The following CRPPA variants were observed in gnomAD, a reference collection of about 807,000 sequenced individuals.
CRPPA encodes CDP-L-ribitol pyrophosphorylase A.
In CRPPA, 43 loss-of-function variants were observed where a neutral mutation model predicts 52.0. The ratio of observed to expected loss-of-function variants is 0.83; its 90% CI spans 0.65 to 1.07. The LOEUF is 1.07. Among genes scored for constraint, CRPPA ranks in the 50% least tolerant of loss-of-function variants. The probability of loss-of-function intolerance (pLI) is 0.00; values close to 1 mark genes in which losing one functional copy is unlikely to be tolerated. For synonymous variants in CRPPA, 250 were observed against 203.5 expected, an observed-to-expected ratio of 1.23 and a Z score of -1.94; for missense variants, 629 against 551.7, an observed-to-expected ratio of 1.14 and a Z score of -1.40.
chr7:16,230,990 C>T (rs144060628), intron 8 of CRPPA, among the ~76,000 whole-genome samples: 18 of 152,244 alleles, frequency 1.2e-4, no homozygotes, highest in African/African-American at 4.1e-4. Flanking sequence ...TCTGGGGTCC[C>T]ACCTAGTGCT....
At chr7:16,326,662 T>G (rs1273887999) in intron 3 of CRPPA, among the ~76,000 whole-genome samples, 1 of 152,212 alleles carries the variant, frequency 6.6e-6, no homozygotes, top group African/African-American at 2.4e-5. Context: ...TCAGTACCTA[T>G]CTACTACTAG....
intron 8 of CRPPA, among the ~76,000 whole-genome samples, chr7:16,253,552 G>C (rs1026630108): frequency 6.6e-6 from 1 of 152,186 alleles, no homozygotes; most frequent in South Asian, 2.1e-4. Context: ...GAATAAGTGT[G>C]ATGTGGTGCT....
chr7:16,415,044 C>G (rs77692937), intron 1 of CRPPA, among the ~76,000 whole-genome samples: 4,769 of 152,236 alleles, frequency 0.031, 144 homozygotes, highest in African/African-American at 0.074. Context: ...GCTTGTAAAT[C>G]TCCATTTTCT....
rs550924550 is a variant in CRPPA at position 16,399,947 on chromosome 7, GTGAC to G, written c.534+6110_534+6113del. 4.4e-3 allele frequency among the ~76,000 whole-genome samples: 667 copies of G among 152,296 alleles called. 5 individuals are homozygous for G. Among genetic ancestry groups the G allele is most frequent in the African/African-American group, 0.013 (540 of 41,566 alleles). Reference sequence around the variant, plus strand: ...CGTGTTATGTGACCATATGTGACACGTGACTGACATGGCTTACATGTGACACGAT... The same window carrying G: ...CGTGTTATGTGACCATATGTGACACGTGACATGGCTTACATGTGACACGAT... On this transcript the variant is annotated intron_variant, in intron 2 of 9. Transcript: ENST00000407010.
At chr7:16,237,890 C>T (rs966998858) in intron 8 of CRPPA, among the ~76,000 whole-genome samples, 24 of 152,314 alleles carry the variant, frequency 1.6e-4, no homozygotes, top group African/African-American at 3.8e-4. Context: ...TCCTCTCACT[C>T]CTCACAGAGT....
At chr7:16,093,797 T>C (rs908273790) in intron 9 of CRPPA, among the ~76,000 whole-genome samples, 1 of 152,192 alleles carries the variant, frequency 6.6e-6, no homozygotes, top group Non-Finnish European at 1.5e-5. Context: ...CAACTATTGA[T>C]ATGCATTTGT....
intron 3 of CRPPA, among the ~76,000 whole-genome samples, chr7:16,323,994 A>G (rs1385636890): frequency 6.6e-6 from 1 of 152,226 alleles, no homozygotes; most frequent in Admixed American, 6.5e-5. Context: ...CAACACAATC[A>G]GTAACACGGA....
intron 8 of CRPPA, among the ~76,000 whole-genome samples, chr7:16,227,826 T>C (rs1562570642): frequency 6.6e-6 from 1 of 151,878 alleles, no homozygotes; most frequent in African/African-American, 2.4e-5. Flanking sequence ...CCCAGATCAA[T>C]GTCATAAGGA....
chr7:16,205,375 G>C (rs1246579803), intron 9 of CRPPA, among the ~76,000 whole-genome samples: 1 of 152,092 alleles, frequency 6.6e-6, no homozygotes, highest in African/African-American at 2.4e-5. Context: ...TTATGATATA[G>C]AAGGTACAAC....
intron 8 of CRPPA, among the ~76,000 whole-genome samples, chr7:16,218,497 A>G (rs2128399341): frequency 1.3e-5 from 1 of 76,896 alleles, no homozygotes. Context: ...ACAGACTGGC[A>G]AATTGGATAA....
At chr7:16,334,125 G>T (rs1785621530) in intron 3 of CRPPA, among the ~76,000 whole-genome samples, 1 of 151,652 alleles carries the variant, frequency 6.6e-6, no homozygotes, top group South Asian at 2.1e-4. Flanking sequence ...CTACATTCTG[G>T]CCAAGGGTGG....
chr7:16,305,192 A>T (rs1562620521), intron 4 of CRPPA, among the ~76,000 whole-genome samples: 1 of 152,230 alleles, frequency 6.6e-6, no homozygotes, highest in African/African-American at 2.4e-5. Context: ...AAATACCAAA[A>T]AAAGAAGTCA....
At chr7:16,290,800 A>G (rs1195418200) in intron 5 of CRPPA, among the ~76,000 whole-genome samples, 1 of 152,006 alleles carries the variant, frequency 6.6e-6, no homozygotes, top group Non-Finnish European at 1.5e-5. Flanking sequence ...AGTACTTACT[A>G]AAGGAAAAAG....
chr7:16,307,149 A>G (rs1784929702), intron 4 of CRPPA, among the ~76,000 whole-genome samples: 1 of 152,210 alleles, frequency 6.6e-6, no homozygotes. Context: ...TGGATGTTTC[A>G]TAAAGATTTC....
At chr7:16,105,663 C>T (rs1244852518) in intron 9 of CRPPA, among the ~76,000 whole-genome samples, 2 of 152,078 alleles carry the variant, frequency 1.3e-5, no homozygotes, top group African/African-American at 2.4e-5. Flanking sequence ...ATAACCCACC[C>T]ACAAAGCTGA....
chr7:16,100,046 A>T (rs374705452), intron 9 of CRPPA, among the ~76,000 whole-genome samples: 2 of 152,206 alleles, frequency 1.3e-5, no homozygotes, highest in East Asian at 3.9e-4. Context: ...CACTCTATCA[A>T]ACTCACAATT....
At chr7:16,167,831 T>G (rs1358818104) in intron 9 of CRPPA, among the ~76,000 whole-genome samples, 2 of 152,258 alleles carry the variant, frequency 1.3e-5, no homozygotes, top group Non-Finnish European at 2.9e-5. Context: ...CTTAACGAAG[T>G]TGTCCTGACT....
intron 3 of CRPPA, among the ~76,000 whole-genome samples, chr7:16,349,478 G>A (rs963356132): frequency 6.6e-6 from 1 of 152,172 alleles, no homozygotes; most frequent in Non-Finnish European, 1.5e-5. Context: ...GTGAAGATAT[G>A]TGATTTACCT....
At chr7:16,221,318 G>C (rs1021187504) in intron 8 of CRPPA, among the ~76,000 whole-genome samples, 1 of 152,030 alleles carries the variant, frequency 6.6e-6, no homozygotes, top group Non-Finnish European at 1.5e-5. Flanking sequence ...AGACTTAAAC[G>C]TTAGACCTAA....
Sources: allele counts gnomAD v4.1 joint callset (sites outside exome capture counted in the v4.1 genomes callset), GRCh38; gene constraint gnomAD v4.1.1; transcripts MANE v1.5; gene names NCBI Gene and HGNC (gene_info 2026-07-23, HGNC 2026-07-21).